TENM2: variants seen among roughly 807,000 people sequenced by gnomAD.
The protein encoded by TENM2 is teneurin transmembrane protein 2, also known as teneurin-2.
Under a neutral mutation model 245.2 loss-of-function variants are expected in TENM2, and 52 were observed. That is an observed-to-expected ratio of 0.21 (90% CI 0.17 to 0.27). The LOEUF is 0.27. Ranked by LOEUF, TENM2 falls within the 10% of genes least tolerant of loss-of-function variation. TENM2 has a pLI of 1.00. For synonymous variants in TENM2, 1,363 were observed against 1,438.9 expected (o/e 0.95, Z 1.19); for missense variants, 3,046 against 3,666.8 (o/e 0.83, Z 4.37).
At chr5:167,094,509 C>T in the TENM2 span, among the ~76,000 whole-genome samples, 2 of 152,066 alleles carry the variant, frequency 1.3e-5, no homozygotes, top group African/African-American at 2.4e-5. Context: ...TTTCTCTTTA[C>T]AATCCTTACA....
At position 168,003,882 on chromosome 5, in the gene TENM2, G is replaced by T. The variant is rs71603848; in HGVS notation, c.1186+10700G>T. Reference sequence around the variant, plus strand: ...AACATCAATCTATATTTCAAGTATAGTATGAAGGAGGGCCTCGAGAAACAA... The same window carrying T: ...AACATCAATCTATATTTCAAGTATATTATGAAGGAGGGCCTCGAGAAACAA... On this transcript the variant is annotated intron_variant, in intron 5 of 28. Transcript: ENST00000518659. Among the ~76,000 whole-genome samples, 960 of 152,314 alleles carry T rather than the reference G, an allele frequency of 6.3e-3. 9 individuals carry two copies. The highest frequency in any genetic ancestry group is 8.5e-3 in the Non-Finnish European group (577 of 68,026).
At chr5:167,377,535 A>G (rs1760835455) in intron 2 of TENM2, among the ~76,000 whole-genome samples, 2 of 152,194 alleles carry the variant, frequency 1.3e-5, no homozygotes, top group African/African-American at 4.8e-5. Flanking sequence ...AATATTTTAC[A>G]TATTCAAAAG....
At position 167,814,727 on chromosome 5, in the gene TENM2, G is replaced by A. The variant is rs182945336; in HGVS notation, c.503-61259G>A. Among the ~76,000 whole-genome samples the A allele has an allele frequency of 3.3e-5, 5 of 151,724 alleles. No homozygotes were observed. The East Asian group carries it at 9.7e-4, about 29-fold the overall frequency. On this transcript the variant is annotated intron_variant, in intron 2 of 28. Coordinates refer to ENST00000518659, the Ensembl canonical transcript of TENM2. ...ATCTATATAAATGTAGTTATGTACA[G>A]CTAGCACATCCAAGCTGTGATTTTA...
At chr5:168,226,675 CT>C (rs2152594900) in intron 24 of TENM2, among the ~76,000 whole-genome samples, 1 of 152,224 alleles carries the variant, frequency 6.6e-6, no homozygotes, top group Admixed American at 6.5e-5. Flanking sequence ...TTGTTCCATC[CT>C]GATTCTCTCT....
At chr5:167,618,056 C>T (rs1008417686) in intron 2 of TENM2, among the ~76,000 whole-genome samples, 7 of 152,034 alleles carry the variant, frequency 4.6e-5, no homozygotes, top group South Asian at 2.1e-4. Context: ...TACCTAATTT[C>T]GGAGGACTGT....
chr5:167,706,906 T>C (rs988297318), intron 2 of TENM2, among the ~76,000 whole-genome samples: 7 of 151,182 alleles, frequency 4.6e-5, no homozygotes, highest in African/African-American at 1.7e-4. Context: ...TCCCAGCTAC[T>C]TGGGAGGCTG....
intron 1 of TENM2, among the ~76,000 whole-genome samples, chr5:167,342,992 C>T (rs1428806478): frequency 6.6e-6 from 1 of 151,806 alleles, no homozygotes; most frequent in Non-Finnish European, 1.5e-5. Context: ...GCGTTCTTCT[C>T]CTCCATTTAT....
At chr5:167,428,261 T>C (rs1328072812) in intron 2 of TENM2, among the ~76,000 whole-genome samples, 1 of 152,230 alleles carries the variant, frequency 6.6e-6, no homozygotes, top group East Asian at 1.9e-4. Context: ...GAAATGAATC[T>C]AAATTGCTTC....
At position 167,435,940 on chromosome 5, in the gene TENM2, T is replaced by TACC. The variant is rs1267002585; in HGVS notation, c.502+60468_502+60470dup. ...TGAACTTGAGAGAGATGAGTCAGGA[T>TACC]ACCTGGTAGAAGAAATTTCTTTTTC... On this transcript the variant is annotated intron_variant, in intron 2 of 28. Transcript: ENST00000518659. 1.9e-4 allele frequency among the ~76,000 whole-genome samples: 25 copies of TACC among 131,152 alleles called. No homozygotes were observed. The South Asian group carries it at 6.5e-3, about 34-fold the overall frequency. The allele number at this position is 131,152 out of a possible 152,430, so 86.0% of individuals were successfully genotyped here.
At chr5:167,992,091 A>G (rs942707153) in intron 4 of TENM2, among the ~76,000 whole-genome samples, 4 of 152,168 alleles carry the variant, frequency 2.6e-5, no homozygotes, top group African/African-American at 9.7e-5. Flanking sequence ...AGGCATAAGA[A>G]TAATATAATA....
the TENM2 span, among the ~76,000 whole-genome samples, chr5:167,014,501 G>T: frequency 7.2e-5 from 11 of 152,130 alleles, no homozygotes; most frequent in Non-Finnish European, 1.2e-4. Context: ...GATCGTGTTG[G>T]CAGGTCTATA....
chr5:167,477,281 AAT>A (rs1250902004), intron 2 of TENM2, among the ~76,000 whole-genome samples: 4 of 150,322 alleles, frequency 2.7e-5, no homozygotes, highest in Admixed American at 6.7e-5. Context: ...AAAAAAAAAA[AAT>A]ACCATGACTA....
intron 4 of TENM2, among the ~76,000 whole-genome samples, chr5:167,957,256 T>A (rs1233688371): frequency 6.6e-6 from 1 of 152,226 alleles, no homozygotes; most frequent in Non-Finnish European, 1.5e-5. Context: ...TCTGGTTTAT[T>A]TGCATAGAGA....
intron 2 of TENM2, among the ~76,000 whole-genome samples, chr5:167,828,145 TC>T (rs1768144236): frequency 6.6e-6 from 1 of 152,198 alleles, no homozygotes; most frequent in South Asian, 2.1e-4. Flanking sequence ...ACAGATTAGA[TC>T]CCATTATCAT....
intron 13 of TENM2, among the ~76,000 whole-genome samples, chr5:168,172,695 A>G (rs979173761): frequency 6.6e-6 from 1 of 152,208 alleles, no homozygotes; most frequent in Non-Finnish European, 1.5e-5. Flanking sequence ...TAAAAATACC[A>G]TCGGCGTTAG....
chr5:168,190,499 G>A (rs1220251234), exon 14 of TENM2: 3 of 1,614,010 alleles, frequency 1.9e-6, no homozygotes, highest in Non-Finnish European at 2.5e-6. Flanking sequence ...CTCTTGGCAG[G>A]CAAGGATAGC....
chr5:167,660,387 C>T (rs1051434290), intron 2 of TENM2: 1 of 149,042 alleles, frequency 6.7e-6, no homozygotes, highest in African/African-American at 2.5e-5. Context: ...ATGGCGTGAA[C>T]CCGGGAGGTG....
the TENM2 span, among the ~76,000 whole-genome samples, chr5:167,177,094 G>T: frequency 1.3e-5 from 2 of 152,118 alleles, no homozygotes; most frequent in African/African-American, 2.4e-5. Flanking sequence ...TAAGAGCCAG[G>T]TGTAGTTCAG....
chr5:167,896,413 G>A (rs1281855104), intron 3 of TENM2, among the ~76,000 whole-genome samples: 2 of 152,202 alleles, frequency 1.3e-5, no homozygotes, highest in Non-Finnish European at 2.9e-5. Context: ...TCTGCCTTCC[G>A]TGGATTATAC....
Sources: allele counts gnomAD v4.1 joint callset (sites outside exome capture counted in the v4.1 genomes callset), GRCh38; gene constraint gnomAD v4.1.1; transcripts MANE v1.5; gene names NCBI Gene and HGNC (gene_info 2026-07-23, HGNC 2026-07-21).